CC2D2A: variants seen among roughly 807,000 people sequenced by gnomAD.
CC2D2A encodes coiled-coil and C2 domain containing 2A.
In CC2D2A, 155 loss-of-function variants were observed where a neutral mutation model predicts 212.9. The observed-to-expected ratio is 0.73, with a 90% CI of 0.64 to 0.83. The LOEUF (loss-of-function observed/expected upper bound fraction) is 0.83, where lower values mean the gene tolerates loss of function less well. Among genes scored for constraint, CC2D2A ranks in the 40% least tolerant of loss-of-function variants. The pLI, the probability that CC2D2A is intolerant of heterozygous loss-of-function variation, is 0.00. For synonymous variants in CC2D2A, 667 were observed against 686.5 expected, an observed-to-expected ratio of 0.97 and a Z score of 0.44; for missense variants, 1,856 against 1,956.2, an observed-to-expected ratio of 0.95 and a Z score of 0.97.
At chr4:15,510,099 G>T (rs1375434223) in intron 6 of CC2D2A, 40 bp from the exon 7 acceptor site, 2 of 1,481,958 alleles carry the variant, frequency 1.3e-6, no homozygotes, top group East Asian at 4.5e-5. Flanking sequence ...AAGTTTCTTG[G>T]GTTAAATGGT....
At chr4:15,592,314 T>A (rs1407112326) in intron 33 of CC2D2A, among the ~76,000 whole-genome samples, 1 of 152,170 alleles carries the variant, frequency 6.6e-6, no homozygotes, top group Middle Eastern at 3.2e-3. Context: ...TTCCCTTTCC[T>A]CCCCAAGTTC....
chr4:15,555,005 A>G, intron 19 of CC2D2A, 67 bp from the exon 20 acceptor site: 2 of 1,509,482 alleles, frequency 1.3e-6, no homozygotes, highest in Admixed American at 3.9e-5. Flanking sequence ...TGTCTCTAGA[A>G]TTTGAGGTCC....
At chr4:15,522,160 C>A (rs1717241933) in intron 11 of CC2D2A, among the ~76,000 whole-genome samples, 1 of 152,194 alleles carries the variant, frequency 6.6e-6, no homozygotes, top group Admixed American at 6.5e-5. Flanking sequence ...ATTATCACAC[C>A]ACTGCACGCC....
At chr4:15,523,787 C>T (rs1451637695) in intron 11 of CC2D2A, among the ~76,000 whole-genome samples, 1 of 152,206 alleles carries the variant, frequency 6.6e-6, no homozygotes, top group Non-Finnish European at 1.5e-5. Flanking sequence ...CAATTGCAGG[C>T]ATGACAGAAT....
chr4:15,497,956 C>T (rs1269581318), intron 4 of CC2D2A, among the ~76,000 whole-genome samples: 1 of 152,154 alleles, frequency 6.6e-6, no homozygotes, highest in Non-Finnish European at 1.5e-5. Flanking sequence ...ATGAGAGGAA[C>T]AGAAAATTAT....
chr4:15,597,205 G>A (rs1265841272), intron 34 of CC2D2A, among the ~76,000 whole-genome samples: 1 of 152,144 alleles, frequency 6.6e-6, no homozygotes, highest in Non-Finnish European at 1.5e-5. Context: ...TACTTCTGTG[G>A]TAAGAGAGAA....
At chr4:15,480,849 A>T in intron 4 of CC2D2A, 22 bp downstream of exon 4, 1 of 1,606,652 alleles carries the variant, frequency 6.2e-7, no homozygotes, top group Non-Finnish European at 8.5e-7. Context: ...TCTTCCATTC[A>T]GCTACTGCTT....
In CC2D2A at chr4:15,569,281, G is replaced by A. The variant is rs1372008281; in HGVS notation, c.3399-12G>A. 7.3e-6 allele frequency: 11 copies of A among 1,502,594 alleles called. No homozygotes were observed. Among genetic ancestry groups the A allele is most frequent in the Non-Finnish European group, 9.1e-6 (10 of 1,097,104 alleles). The allele number at this position is 1,502,594 out of a possible 1,614,324, so 93.1% of individuals were successfully genotyped here. On this transcript the variant is annotated splice_polypyrimidine_tract_variant and intron_variant, in intron 26 of 36. Transcript: ENST00000424120. ...CTATTTTCACAGTCCCTGGTCATGT[G>A]CTGTCTTGCAGGGCTCCTAATGGAG... is the stretch of plus-strand genomic sequence containing the variant.
At chr4:15,576,839 G>C (rs1720436462) in intron 29 of CC2D2A, among the ~76,000 whole-genome samples, 1 of 152,162 alleles carries the variant, frequency 6.6e-6, no homozygotes, top group South Asian at 2.1e-4. Flanking sequence ...AGTTAGCTTT[G>C]AATCTAAGAA....
intron 3 of CC2D2A, among the ~76,000 whole-genome samples, chr4:15,479,646 G>A (rs532277451): frequency 2.6e-5 from 4 of 152,276 alleles, no homozygotes; most frequent in South Asian, 4.1e-4. Context: ...GCCTGGCCAC[G>A]TGGGCTAGCT....
At chr4:15,522,867 C>T (rs961341586) in intron 11 of CC2D2A, among the ~76,000 whole-genome samples, 1 of 151,902 alleles carries the variant, frequency 6.6e-6, no homozygotes. Context: ...ACCTATAATC[C>T]CAGCACTTTG....
chr4:15,494,646 G>A (rs16892054), intron 4 of CC2D2A, among the ~76,000 whole-genome samples: 10,583 of 152,184 alleles, frequency 0.07, 754 homozygotes, highest in East Asian at 0.27. Context: ...CTTTTGGGCC[G>A]TTTTCTTGCC....
intron 4 of CC2D2A, among the ~76,000 whole-genome samples, chr4:15,495,244 G>T (rs1715546570): frequency 6.6e-6 from 1 of 152,110 alleles, no homozygotes; most frequent in Non-Finnish European, 1.5e-5. Context: ...ATGTAGAGGG[G>T]ATTACTGGCA....
At chr4:15,543,371 A>G (rs1490478282) in intron 17 of CC2D2A, among the ~76,000 whole-genome samples, 2 of 152,162 alleles carry the variant, frequency 1.3e-5, no homozygotes, top group Non-Finnish European at 2.9e-5. Context: ...TAAACATAAT[A>G]TGAGTGAGAG....
At chr4:15,497,530 T>C (rs1269931743) in intron 4 of CC2D2A, among the ~76,000 whole-genome samples, 2 of 152,214 alleles carry the variant, frequency 1.3e-5, no homozygotes, top group Non-Finnish European at 2.9e-5. Context: ...TAAGTTGACA[T>C]AAATTTTTAT....
chr4:15,543,839 C>T, intron 17 of CC2D2A: 1 of 152,258 alleles, frequency 6.6e-6, no homozygotes, highest in Non-Finnish European at 1.5e-5. Flanking sequence ...CTCTCCATCT[C>T]ATCACCACTC....
At position 15,516,734 on chromosome 4, in the gene CC2D2A, A is replaced by C. The variant is rs16892095; in HGVS notation, c.1127A>C (p.Glu376Ala). 0.032 allele frequency: 51,470 copies of C among 1,612,224 alleles called. 4,104 individuals are homozygous for C. Among genetic ancestry groups the C allele is most frequent in the East Asian group, 0.26 (11,801 of 44,802 alleles). ...VLTQEQSIKAELETLYKKAVK... is the reference protein window; with the variant it reads ...VLTQEQSIKAALETLYKKAVK... ...ACACAGGAGCAGAGCATTAAGGCAG[A>C]GCTTGAAACACTGTATAAAAAGGTA... The change falls in exon 11 of 37, where the codon GAG (glutamate) becomes GCG (alanine). Residue 376 changes from glutamate (E) to alanine (A), a missense_variant. By Grantham distance (107) the Glu-to-Ala change is moderately radical (BLOSUM62 -1). This residue lies in a region of CC2D2A where 1,512 missense variants were observed against 1,579.3 expected (regional missense o/e 0.96). Transcript: ENST00000424120.
intron 20 of CC2D2A, among the ~76,000 whole-genome samples, chr4:15,555,868 A>T (rs1473166): frequency 0.27 from 40,706 of 152,168 alleles, 5,667 homozygotes; most frequent in East Asian, 0.46. Flanking sequence ...TTCTCCAGAG[A>T]GGAAGCTGAG....
intron 15 of CC2D2A, 76 bp from the exon 16 acceptor site, chr4:15,537,823 T>C (rs571118474): frequency 2.3e-5 from 34 of 1,454,322 alleles, no homozygotes; most frequent in Non-Finnish European, 2.9e-5. Context: ...TCCAGGTCCA[T>C]CTGGCTATGA....
Sources: allele counts gnomAD v4.1 joint callset (sites outside exome capture counted in the v4.1 genomes callset), GRCh38; gene constraint gnomAD v4.1.1; regional missense constraint gnomAD v4.1.1; transcripts MANE v1.5; gene names NCBI Gene and HGNC (gene_info 2026-07-23, HGNC 2026-07-21).